CDH12: variants seen among roughly 807,000 people sequenced by gnomAD.
CDH12 encodes cadherin-12.
CDH12 carries 41 observed loss-of-function variants against 74.1 expected under a neutral mutation model. That is an observed-to-expected ratio of 0.55 (90% CI 0.43 to 0.72). CDH12 has a LOEUF of 0.72. Among genes scored for constraint, CDH12 ranks in the 30% least tolerant of loss-of-function variants. CDH12 has a pLI of 0.00. For missense variants in CDH12, 945 were observed against 977.2 expected, an observed-to-expected ratio of 0.97 and a Z score of 0.44; for synonymous variants, 399 against 355.0, an observed-to-expected ratio of 1.12 and a Z score of -1.39.
At chr5:21,875,302 G>A (rs369420374) in intron 6 of CDH12, among the ~76,000 whole-genome samples, 13 of 152,216 alleles carry the variant, frequency 8.5e-5, no homozygotes, top group African/African-American at 2.9e-4. Flanking sequence ...TAAAATGGGA[G>A]TATAGAGAGT....
At chr5:22,579,911 G>A (rs983447980) in intron 1 of CDH12, among the ~76,000 whole-genome samples, 1 of 152,100 alleles carries the variant, frequency 6.6e-6, no homozygotes, top group Non-Finnish European at 1.5e-5. Context: ...CTTCGAAGAG[G>A]CTGACCTTAT....
chr5:22,434,482 A>G (rs1744299428), intron 2 of CDH12, among the ~76,000 whole-genome samples: 1 of 152,108 alleles, frequency 6.6e-6, no homozygotes. Flanking sequence ...GTCATAGAAC[A>G]TTAAATATAT....
Position 21,842,340 on chromosome 5 carries a change from A to C in CDH12, c.647-12T>G. 1 of 1,560,312 alleles carries C rather than the reference A, an allele frequency of 6.4e-7. No individual in the cohort carries two copies. The highest frequency in any genetic ancestry group is 8.7e-7 in the Non-Finnish European group (1 of 1,148,602). On this transcript the variant is annotated splice_polypyrimidine_tract_variant and intron_variant, in intron 7 of 14. Coordinates refer to ENST00000382254, the MANE Select transcript of CDH12 (RefSeq NM_004061.5). ...TGTTCTAATAACACCTTAAGGGATA[A>C]AAGCAATAATGTAAAATAAATATCA...
chr5:21,971,611 A>C (rs992706711), intron 6 of CDH12, among the ~76,000 whole-genome samples: 6 of 152,132 alleles, frequency 3.9e-5, no homozygotes, highest in African/African-American at 1.2e-4. Context: ...GTATGGATTT[A>C]ACACTCTAAA....
At chr5:22,062,818 A>C (rs1442854306) in intron 5 of CDH12, among the ~76,000 whole-genome samples, 1 of 152,134 alleles carries the variant, frequency 6.6e-6, no homozygotes, top group Non-Finnish European at 1.5e-5. Flanking sequence ...ATTAGACAGA[A>C]CTTGAGACAT....
intron 6 of CDH12, among the ~76,000 whole-genome samples, chr5:21,910,193 A>C (rs559709378): frequency 6.6e-6 from 1 of 152,316 alleles, no homozygotes; most frequent in South Asian, 2.1e-4. Flanking sequence ...TGCATTATTC[A>C]GAAATCTTCT....
At position 22,040,762 on chromosome 5, in the gene CDH12, G is replaced by A. The variant is rs143821130; in HGVS notation, c.231+37684C>T. Among the ~76,000 whole-genome samples, 928 of 152,014 alleles carry A rather than the reference G, an allele frequency of 6.1e-3. 2 individuals are homozygous for A. Among genetic ancestry groups the A allele is most frequent in the African/African-American group, 0.022 (892 of 41,484 alleles). On this transcript the variant is annotated intron_variant, in intron 5 of 14. Coordinates refer to ENST00000382254, the MANE Select transcript of CDH12 (RefSeq NM_004061.5). ...TTTCCTCAAACAAGTAAAAGATGAG[G>A]GAATTCATCACCACTAGACCAGAGC...
At chr5:21,896,813 T>C (rs1753147210) in intron 6 of CDH12, among the ~76,000 whole-genome samples, 1 of 152,226 alleles carries the variant, frequency 6.6e-6, no homozygotes, top group Non-Finnish European at 1.5e-5. Context: ...GTATTAAATC[T>C]GTGGTAGCTT....
intron 5 of CDH12, among the ~76,000 whole-genome samples, chr5:22,052,929 T>C (rs1740477315): frequency 6.6e-6 from 1 of 152,106 alleles, no homozygotes; most frequent in East Asian, 1.9e-4. Context: ...TGGCATCTAA[T>C]ATTTATGTAA....
chr5:22,442,501 T>A (rs1021446426), intron 2 of CDH12, among the ~76,000 whole-genome samples: 11 of 152,168 alleles, frequency 7.2e-5, no homozygotes, highest in Admixed American at 1.3e-4. Flanking sequence ...TCCTTTTATG[T>A]TTTTACATTT....
At chr5:22,708,314 C>T (rs1360757245) in intron 1 of CDH12, among the ~76,000 whole-genome samples, 3 of 152,112 alleles carry the variant, frequency 2.0e-5, no homozygotes, top group Non-Finnish European at 4.4e-5. Flanking sequence ...TTACTCAACA[C>T]AAACATATGT....
chr5:22,339,481 T>C (rs183087036), intron 3 of CDH12, among the ~76,000 whole-genome samples: 7 of 152,342 alleles, frequency 4.6e-5, no homozygotes, highest in African/African-American at 1.7e-4. Context: ...ATTTGTTTCA[T>C]TTTGTTTTAA....
chr5:21,930,789 C>T (rs1301495836), intron 6 of CDH12, among the ~76,000 whole-genome samples: 1 of 152,092 alleles, frequency 6.6e-6, no homozygotes, highest in Non-Finnish European at 1.5e-5. Context: ...ATTCATAGAT[C>T]AACAACTTCG....
chr5:22,363,349 T>C (rs754867384), intron 3 of CDH12, among the ~76,000 whole-genome samples: 20 of 152,168 alleles, frequency 1.3e-4, no homozygotes, highest in Non-Finnish European at 1.9e-4. Context: ...TATTAAACAT[T>C]TTGATCTTTT....
intron 5 of CDH12, among the ~76,000 whole-genome samples, chr5:22,017,367 G>A (rs1437781618): frequency 6.6e-6 from 1 of 152,020 alleles, no homozygotes; most frequent in East Asian, 1.9e-4. Context: ...TCCAGATAAA[G>A]GGAACTGTAA....
intron 5 of CDH12, among the ~76,000 whole-genome samples, chr5:22,048,534 G>A (rs1383008327): frequency 1.3e-5 from 2 of 152,098 alleles, no homozygotes; most frequent in African/African-American, 4.8e-5. Context: ...TAGTCATATT[G>A]AATGGCGGGG....
intron 1 of CDH12, among the ~76,000 whole-genome samples, chr5:22,832,599 T>C (rs905885738): frequency 1.3e-5 from 2 of 152,098 alleles, no homozygotes; most frequent in Non-Finnish European, 2.9e-5. Flanking sequence ...GAAATAGATA[T>C]ATAAGGATAA....
chr5:22,313,553 G>A (rs1176424201), intron 3 of CDH12, among the ~76,000 whole-genome samples: 2 of 152,062 alleles, frequency 1.3e-5, no homozygotes, highest in African/African-American at 4.8e-5. Context: ...GTAAACCAGG[G>A]TTATTGATCA....
At chr5:22,559,513 G>T (rs1738948549) in intron 1 of CDH12, among the ~76,000 whole-genome samples, 2 of 152,060 alleles carry the variant, frequency 1.3e-5, no homozygotes, top group Non-Finnish European at 2.9e-5. Context: ...CATTTTGGAA[G>T]AGTGCTATGA....
Sources: gnomAD v4.1 joint callset for allele counts (sites outside exome capture counted in the v4.1 genomes callset) on GRCh38, gnomAD v4.1.1 for gene constraint, MANE v1.5 for transcripts, NCBI Gene and HGNC (gene_info 2026-07-23, HGNC 2026-07-21) for gene names.